Variants in THSD7A observed in about 807,000 individuals in gnomAD.
THSD7A encodes the protein thrombospondin type 1 domain containing 7A, also known as thrombospondin type-1 domain-containing protein 7A.
Under a neutral mutation model 231.3 loss-of-function variants are expected in THSD7A, and 96 were observed. That is an observed-to-expected ratio of 0.41 (90% CI 0.35 to 0.49). The LOEUF (loss-of-function observed/expected upper bound fraction) is 0.49, where lower values mean the gene tolerates loss of function less well. Among genes scored for constraint, THSD7A ranks in the 20% least tolerant of loss-of-function variants. The pLI is 0.05. For missense variants in THSD7A, 2,290 were observed against 2,070.2 expected, an observed-to-expected ratio of 1.11 and a Z score of -2.06; for synonymous variants, 940 against 743.3, an observed-to-expected ratio of 1.26 and a Z score of -4.30.
intron 2 of THSD7A, among the ~76,000 whole-genome samples, chr7:11,631,556 G>A (rs1160703674): frequency 1.3e-5 from 2 of 152,198 alleles, no homozygotes; most frequent in Non-Finnish European, 2.9e-5. Context: ...CTGAGCAGAG[G>A]AGGTTGATTT....
intron 4 of THSD7A, among the ~76,000 whole-genome samples, chr7:11,583,199 T>C (rs1791242193): frequency 6.6e-6 from 1 of 152,204 alleles, no homozygotes; most frequent in African/African-American, 2.4e-5. Flanking sequence ...TCTTTTTAAA[T>C]CTGACTCATT....
intron 1 of THSD7A, among the ~76,000 whole-genome samples, chr7:11,804,421 T>C (rs928043885): frequency 9.2e-5 from 14 of 152,194 alleles, no homozygotes; most frequent in African/African-American, 2.9e-4. Context: ...TTCGAAGTTA[T>C]CAGTTTTCTA....
Position 11,371,840 on chromosome 7 carries a change from A to C in THSD7A, c.*3954T>G, listed in dbSNP as rs1351405217. ...GGATTTGGTGTAAATCAGGATGTTCACACTCTGAGTGAGTGACACTTTGAT... is the reference window on the plus strand; with the variant it reads ...GGATTTGGTGTAAATCAGGATGTTCCCACTCTGAGTGAGTGACACTTTGAT... On this transcript the variant is annotated 3_prime_UTR_variant, in exon 28 of 28. Transcript: ENST00000423059. 2 of 147,686 alleles carry C rather than the reference A, an allele frequency of 1.4e-5. No individual in the cohort carries two copies. Among genetic ancestry groups the C allele is most frequent in the African/African-American group, 5.0e-5 (2 of 39,654 alleles). 9.1% of individuals were successfully genotyped at this position (147,686 alleles called of 1,614,324 possible).
intron 1 of THSD7A, among the ~76,000 whole-genome samples, chr7:11,666,774 G>T (rs1247247972): frequency 1.3e-5 from 2 of 151,206 alleles, no homozygotes; most frequent in Admixed American, 6.6e-5. Flanking sequence ...AGCATATAAA[G>T]ACTTTTTTAA....
At chr7:11,630,316 G>C (rs934254639) in intron 2 of THSD7A, among the ~76,000 whole-genome samples, 1 of 152,060 alleles carries the variant, frequency 6.6e-6, no homozygotes, top group Non-Finnish European at 1.5e-5. Context: ...TCTGGGCCTG[G>C]AAAACAAAAA....
At position 11,628,546 on chromosome 7, in the gene THSD7A, C is replaced by T. The variant is rs187405344; in HGVS notation, c.1022+7584G>A. 6.1e-5 allele frequency among the ~76,000 whole-genome samples: 9 copies of T among 146,822 alleles called. No individual in the cohort carries two copies. The East Asian group carries it at 1.2e-3, about 20-fold the overall frequency. ...CTCATTATCTCTGTTGTTATCTGCACGCACTTTCTCTCTCTCTCTCTGTAG... is the reference window on the plus strand; with the variant it reads ...CTCATTATCTCTGTTGTTATCTGCATGCACTTTCTCTCTCTCTCTCTGTAG... On this transcript the variant is annotated intron_variant, in intron 2 of 27. Coordinates refer to ENST00000423059, the MANE Select transcript of THSD7A (RefSeq NM_015204.3).
chr7:11,667,393 T>C (rs748575428), intron 1 of THSD7A, among the ~76,000 whole-genome samples: 13 of 152,182 alleles, frequency 8.5e-5, no homozygotes, highest in Non-Finnish European at 1.8e-4. Flanking sequence ...CAGTATTGCC[T>C]CAACCTACAA....
At chr7:11,418,742 A>G (rs1275687291) in intron 16 of THSD7A, among the ~76,000 whole-genome samples, 6 of 152,224 alleles carry the variant, frequency 3.9e-5, no homozygotes, top group Admixed American at 6.5e-5. Flanking sequence ...ATACATTCAA[A>G]CACTGGAAAA....
chr7:11,718,532 G>A (rs6961623), intron 1 of THSD7A, among the ~76,000 whole-genome samples: 4,986 of 151,652 alleles, frequency 0.033, 167 homozygotes, highest in African/African-American at 0.092. Flanking sequence ...GTGCATTCAA[G>A]CTAGTGTCTA....
intron 1 of THSD7A, among the ~76,000 whole-genome samples, chr7:11,676,765 T>A (rs1783654087): frequency 6.6e-6 from 1 of 152,052 alleles, no homozygotes; most frequent in Admixed American, 6.6e-5. Flanking sequence ...AATGTTGGAC[T>A]ATGTGAAAAG....
intron 1 of THSD7A, among the ~76,000 whole-genome samples, chr7:11,830,921 C>T (rs1785173278): frequency 6.6e-6 from 1 of 152,190 alleles, no homozygotes; most frequent in Non-Finnish European, 1.5e-5. Context: ...TTCCTATGAA[C>T]ATGTGAAGTT....
chr7:11,551,550 A>G (rs948130391), intron 4 of THSD7A, among the ~76,000 whole-genome samples: 1 of 152,156 alleles, frequency 6.6e-6, no homozygotes, highest in African/African-American at 2.4e-5. Context: ...ATGAATAGAC[A>G]TTTTTCAAAA....
At chr7:11,639,736 A>G (rs772302765) in intron 1 of THSD7A, among the ~76,000 whole-genome samples, 1 of 152,180 alleles carries the variant, frequency 6.6e-6, no homozygotes, top group Non-Finnish European at 1.5e-5. Context: ...TTAATGTTTT[A>G]TTATAGAAAT....
chr7:11,637,053 C>G lies in THSD7A; in HGVS notation c.191-92G>C, dbSNP rs138748474. On this transcript the variant is annotated intron_variant, in intron 1 of 27. Transcript: ENST00000423059. The surrounding 1 kb of genome is among the most constrained non-coding windows in gnomAD (Gnocchi z 4.2). ...CAGAAAGACCTTTCAAGACCTAGTA[C>G]ATTAACTTCCCTGCGGTGTTACAAA... is the stretch of plus-strand genomic sequence containing the variant. 5.1e-6 allele frequency: 6 copies of G among 1,165,604 alleles called. No homozygotes were observed. The highest frequency in any genetic ancestry group is 1.5e-5 in the African/African-American group (1 of 65,280). 72.2% of individuals were successfully genotyped at this position (1,165,604 alleles called of 1,614,324 possible). A position where few individuals can be genotyped will look rare whatever the true frequency, so the allele number is the denominator to read the frequency against.
At position 11,632,859 on chromosome 7, in the gene THSD7A, C is replaced by A. The variant is rs1781704567; in HGVS notation, c.1022+3271G>T. ...TCTTTTAATTTCAGGAAAGTCTTAT[C>A]CTTGTATTTTGTTGTGTTTTCTGTT... is the stretch of plus-strand genomic sequence containing the variant. On this transcript the variant is annotated intron_variant, in intron 2 of 27. Coordinates refer to ENST00000423059, the MANE Select transcript of THSD7A (RefSeq NM_015204.3). This position sits in a 1 kb window ranked among gnomAD's most constrained non-coding sequence, Gnocchi z 4.1. Among the ~76,000 whole-genome samples, 1 of 152,010 alleles carries A rather than the reference C, an allele frequency of 6.6e-6. No homozygotes were observed. Among genetic ancestry groups the A allele is most frequent in the Non-Finnish European group, 1.5e-5 (1 of 67,958 alleles).
intron 1 of THSD7A, among the ~76,000 whole-genome samples, chr7:11,793,500 A>G (rs1459216380): frequency 6.6e-6 from 1 of 151,872 alleles, no homozygotes; most frequent in Non-Finnish European, 1.5e-5. Flanking sequence ...AAAATGCACT[A>G]TAATGTTTTT....
chr7:11,820,575 C>T lies in THSD7A; in HGVS notation c.190+11182G>A, dbSNP rs1784845279. Reference sequence around the variant, plus strand: ...ATCATTGTTACTCTTGTTATTGTTCCCAGAGTAGTTGCCTCTGTCCTGGCC... The same window carrying T: ...ATCATTGTTACTCTTGTTATTGTTCTCAGAGTAGTTGCCTCTGTCCTGGCC... On this transcript the variant is annotated intron_variant, in intron 1 of 27. Coordinates refer to ENST00000423059, the MANE Select transcript of THSD7A (RefSeq NM_015204.3). 5 of 720,258 alleles carry T rather than the reference C, an allele frequency of 6.9e-6. 1 individual carries two copies. The highest frequency in any genetic ancestry group is 6.8e-5 in the South Asian group (4 of 58,470). The allele number at this position is 720,258 out of a possible 1,614,324, so 44.6% of individuals were successfully genotyped here. A position where few individuals can be genotyped will look rare whatever the true frequency, so the allele number is the denominator to read the frequency against.
chr7:11,673,375 C>T (rs1182264564), intron 1 of THSD7A, among the ~76,000 whole-genome samples: 1 of 152,140 alleles, frequency 6.6e-6, no homozygotes, highest in East Asian at 1.9e-4. Flanking sequence ...CTTCCCTGTG[C>T]TGTGCAACTA....
At chr7:11,644,730 C>T (rs945902341) in intron 1 of THSD7A, among the ~76,000 whole-genome samples, 1 of 151,942 alleles carries the variant, frequency 6.6e-6, no homozygotes, top group Non-Finnish European at 1.5e-5. Context: ...ACACAATAAT[C>T]TATTTTTAGG....
Sources: allele counts gnomAD v4.1 joint callset (sites outside exome capture counted in the v4.1 genomes callset), GRCh38; gene constraint gnomAD v4.1.1; non-coding constraint Gnocchi (gnomAD v3.1); transcripts MANE v1.5; gene names NCBI Gene and HGNC (gene_info 2026-07-23, HGNC 2026-07-21).